EXO1: variants seen among roughly 807,000 people sequenced by gnomAD.
EXO1 encodes exonuclease 1.
In EXO1, 69 loss-of-function variants were observed where a neutral mutation model predicts 84.5. The observed-to-expected ratio is 0.82, with a 90% confidence interval of 0.67 to 1.00. The LOEUF is 1.00. Ranked by LOEUF, EXO1 falls within the 50% of genes least tolerant of loss-of-function variation. The pLI is 0.00. For missense variants in EXO1, 1,045 were observed against 1,000.7 expected (o/e 1.04, Z -0.60); for synonymous variants, 373 against 366.1 (o/e 1.02, Z -0.21).
chr1:241,889,562 C>G lies in EXO1; in HGVS notation c.2503C>G (p.Pro835Ala). Reference protein sequence around the residue: ...PEAEEDIFNKPECGRVQRAIF... With the variant: ...PEAEEDIFNKAECGRVQRAIF... ...AGCGGAAGAGGATATATTTAACAAA[C>G]CTGAATGTGGCCGTGTTCAAAGAGC... is the stretch of plus-strand genomic sequence containing the variant. Residue 835 changes from proline (P) to alanine (A), a missense_variant, in exon 16 of 16, where the codon CCT becomes GCT. Coordinates refer to ENST00000366548, the MANE Select transcript of EXO1 (RefSeq NM_130398.4). The G allele has an allele frequency of 2.5e-6, 4 of 1,613,996 alleles. No individual in the cohort carries two copies. Among genetic ancestry groups the G allele is most frequent in the Non-Finnish European group, 3.4e-6 (4 of 1,179,904 alleles).
intron 12 of EXO1, among the ~76,000 whole-genome samples, chr1:241,876,971 A>G (rs1662439832): frequency 1.3e-5 from 2 of 152,242 alleles, no homozygotes; most frequent in South Asian, 4.1e-4. Flanking sequence ...GTGAAGGTAA[A>G]TAGAAACTGC....
chr1:241,856,573 T>C (rs1412681205), intron 6 of EXO1, among the ~76,000 whole-genome samples: 2 of 152,078 alleles, frequency 1.3e-5, no homozygotes, highest in African/African-American at 2.4e-5. Context: ...CCCCAAGACA[T>C]TGCTGGATAT....
intron 11 of EXO1, 77 bp downstream of exon 11, chr1:241,867,132 G>T: frequency 9.2e-7 from 1 of 1,084,440 alleles, no homozygotes; most frequent in Non-Finnish European, 1.4e-6. Flanking sequence ...GCAAAGTCGC[G>T]AAGATTTTCT....
chr1:241,850,518 A>T lies in EXO1; in HGVS notation c.93A>T (p.Thr31=), dbSNP rs1165058695. 6 of 1,613,966 alleles carry T rather than the reference A, an allele frequency of 3.7e-6. No homozygotes were observed. Among genetic ancestry groups the T allele is most frequent in the Non-Finnish European group, 5.1e-6 (6 of 1,179,956 alleles). The change falls in exon 4 of 16, where the codon ACA becomes ACT. Residue 31 remains threonine (T), a synonymous_variant. Transcript: ENST00000366548. ...AAGGGCAGGTAGTAGCTGTGGATACATATTGCTGGCTTCACAAAGGAGCTA... is the reference window on the plus strand; with the variant it reads ...AAGGGCAGGTAGTAGCTGTGGATACTTATTGCTGGCTTCACAAAGGAGCTA... ...KYKGQVVAVD[T]YCWLHKGAIA...
At chr1:241,885,292 A>G in intron 14 of EXO1, 22 bp from the exon 15 acceptor site, 2 of 1,585,228 alleles carry the variant, frequency 1.3e-6, no homozygotes, top group Non-Finnish European at 1.7e-6. Flanking sequence ...GAATGGTCTT[A>G]AAATGGGTGT....
intron 13 of EXO1, 96 bp downstream of exon 13, chr1:241,879,439 C>A: frequency 1.4e-6 from 1 of 702,984 alleles, no homozygotes; most frequent in Non-Finnish European, 2.4e-6. Flanking sequence ...ATGTGAATGA[C>A]GAGCTATATT....
In EXO1 at chr1:241,885,321, GGC is replaced by G. The variant is rs779926663; in HGVS notation, c.2220_2221del (p.Leu741IlefsTer2). On this transcript the variant is annotated frameshift_variant, in exon 15 of 16. Coordinates refer to ENST00000366548, the MANE Select transcript of EXO1 (RefSeq NM_130398.4). LOFTEE classifies it high-confidence loss of function. ...TGGGTGTTTAATCTTCAGGTTCCTG[GGC>G]TATATAAGTCCAGTTCTGCAGACTC... 3.1e-6 allele frequency: 5 copies of G among 1,613,042 alleles called. No individual in the cohort carries two copies. The South Asian group carries it at 5.5e-5, about 18-fold the overall frequency.
Position 241,887,902 on chromosome 1 carries a change from G to T in EXO1, c.2406-1563G>T, listed in dbSNP as rs566158794. ...GATCCACCTGCTTCAACCTCCCAAAGTGCTGGGATTACAGACATGAGCCAC... is the reference window on the plus strand; with the variant it reads ...GATCCACCTGCTTCAACCTCCCAAATTGCTGGGATTACAGACATGAGCCAC... On this transcript the variant is annotated intron_variant, in intron 15 of 15. Coordinates refer to ENST00000366548, the MANE Select transcript of EXO1 (RefSeq NM_130398.4). Among the ~76,000 whole-genome samples the T allele has an allele frequency of 2.2e-4, 33 of 152,184 alleles. No homozygotes were observed. In the East Asian group the frequency reaches 4.4e-3, roughly 21 times the overall value.
Position 241,855,702 on chromosome 1 carries a change from G to A in EXO1, c.406-1643G>A, listed in dbSNP as rs191778641. On this transcript the variant is annotated intron_variant, in intron 6 of 15. Coordinates refer to ENST00000366548, the MANE Select transcript of EXO1 (RefSeq NM_130398.4). ...GGGGTGGGAGGCTCAGGCATGGCGGGCTGCAGTCCCGAGTCCTGCCCCGCA... is the reference window on the plus strand; with the variant it reads ...GGGGTGGGAGGCTCAGGCATGGCGGACTGCAGTCCCGAGTCCTGCCCCGCA... Among the ~76,000 whole-genome samples the A allele has an allele frequency of 7.7e-3, 1,169 of 152,362 alleles. 17 individuals carry two copies. Among genetic ancestry groups the A allele is most frequent in the African/African-American group, 0.027 (1,110 of 41,586 alleles).
At chr1:241,881,218 G>C (rs775950321) in intron 13 of EXO1, among the ~76,000 whole-genome samples, 1 of 152,028 alleles carries the variant, frequency 6.6e-6, no homozygotes, top group Non-Finnish European at 1.5e-5. Context: ...AGTAGAGACA[G>C]GATTTCACCA....
intron 15 of EXO1, among the ~76,000 whole-genome samples, chr1:241,888,501 A>G (rs1307606511): frequency 1.3e-5 from 2 of 152,214 alleles, no homozygotes; most frequent in African/African-American, 2.4e-5. Flanking sequence ...AAGGATGAAC[A>G]AAGTCTGAAT....
chr1:241,878,987 T>C lies in EXO1; in HGVS notation c.1753T>C (p.Ser585Pro), dbSNP rs757582060. 1.1e-5 allele frequency: 17 copies of C among 1,613,922 alleles called. No homozygotes were observed. The highest frequency in any genetic ancestry group is 7.7e-5 in the South Asian group (7 of 91,082). The change falls in exon 13 of 16, where the codon TCC becomes CCC. Residue 585 changes from serine to proline, a missense_variant. By Grantham distance (74) the Ser-to-Pro change is moderately conservative. Transcript: ENST00000366548. ...DKATVFTDEE[S>P]YSFESSKFTR... ...GGCAACAGTGTTTACAGATGAAGAG[T>C]CCTACTCTTTTGAGAGCAGCAAATT...
chr1:241,852,084 A>G (rs1310163340), intron 4 of EXO1, among the ~76,000 whole-genome samples: 1 of 152,240 alleles, frequency 6.6e-6, no homozygotes, highest in East Asian at 1.9e-4. Flanking sequence ...CAAGTAGTTC[A>G]CCAGACATCA....
In EXO1 at chr1:241,855,531, C is replaced by T. The variant is rs187586506; in HGVS notation, c.406-1814C>T. On this transcript the variant is annotated intron_variant, in intron 6 of 15. Coordinates refer to ENST00000366548, the MANE Select transcript of EXO1 (RefSeq NM_130398.4). The stretch of plus-strand genomic sequence containing the variant: ...CCAGCTGGCTTCACCCAGTGGATCC[C>T]GCACGGGGCTGCAGGTGAAGCTGCC... 1.2e-3 allele frequency among the ~76,000 whole-genome samples: 178 copies of T among 152,354 alleles called. 2 individuals carry two copies. The highest frequency in any genetic ancestry group is 4.2e-3 in the African/African-American group (173 of 41,588).
intron 10 of EXO1, among the ~76,000 whole-genome samples, chr1:241,863,643 G>A (rs1661529811): frequency 1.3e-5 from 2 of 152,118 alleles, no homozygotes; most frequent in Non-Finnish European, 2.9e-5. Flanking sequence ...CCTACCAAGA[G>A]AGCACAAATC....
At chr1:241,874,850 A>C (rs1435619725) in intron 12 of EXO1, among the ~76,000 whole-genome samples, 1 of 152,234 alleles carries the variant, frequency 6.6e-6, no homozygotes, top group Non-Finnish European at 1.5e-5. Context: ...TGTTGACTTT[A>C]GATGGTGGTG....
At position 241,860,581 on chromosome 1, in the gene EXO1, G is replaced by A; in HGVS notation, c.821G>A (p.Gly274Glu). The change falls in exon 9 of 16, where the codon GGG becomes GAG. Residue 274 changes from glycine (G) to glutamate (E), a missense_variant. Physicochemically the swap from Gly to Glu is moderately conservative, Grantham distance 98 (BLOSUM62 -2). Transcript: ENST00000366548. ...ACGGTACCAGAGGATTACATCAACG[G>A]GTTTATTCGGGCCAACAATACCTTC... ...NITVPEDYINGFIRANNTFLY... is the reference protein window; with the variant it reads ...NITVPEDYINEFIRANNTFLY... The A allele has an allele frequency of 1.2e-6, 2 of 1,613,928 alleles. No individual in the cohort carries two copies. Among genetic ancestry groups the A allele is most frequent in the Admixed American group, 1.7e-5 (1 of 60,002 alleles).
At chr1:241,864,970 G>A (rs1363088112) in intron 10 of EXO1, among the ~76,000 whole-genome samples, 2 of 150,774 alleles carry the variant, frequency 1.3e-5, no homozygotes, top group African/African-American at 2.4e-5. Context: ...GGGCTCAAGC[G>A]ATCTTCAGTA....
chr1:241,865,311 A>T (rs1225759056), intron 10 of EXO1, among the ~76,000 whole-genome samples: 2 of 149,114 alleles, frequency 1.3e-5, no homozygotes, highest in Non-Finnish European at 3.0e-5. Context: ...TCCGAGTTTC[A>T]AGTGGTTCTC....
Sources: allele counts gnomAD v4.1 joint callset (sites outside exome capture counted in the v4.1 genomes callset), GRCh38; gene constraint gnomAD v4.1.1; transcripts MANE v1.5; gene names NCBI Gene and HGNC (gene_info 2026-07-23, HGNC 2026-07-21).